AK4: variants seen among roughly 807,000 people sequenced by gnomAD.
AK4 encodes the protein adenylate kinase 4, mitochondrial.
A neutral mutation model predicts 24.6 loss-of-function variants in AK4; 13 were observed. The ratio of observed to expected loss-of-function variants is 0.53; its 90% CI spans 0.34 to 0.84. The LOEUF is 0.84. Among genes scored for constraint, AK4 ranks in the 40% least tolerant of loss-of-function variants. The probability of loss-of-function intolerance (pLI) is 0.01; values close to 1 mark genes in which losing one functional copy is unlikely to be tolerated. For synonymous variants in AK4, 88 were observed against 107.0 expected, an observed-to-expected ratio of 0.82 and a Z score of 1.10; for missense variants, 192 against 288.2, an observed-to-expected ratio of 0.67 and a Z score of 2.42.
intron 1 of AK4, among the ~76,000 whole-genome samples, chr1:65,160,505 A>G (rs544903694): frequency 4.0e-4 from 61 of 152,244 alleles, no homozygotes; most frequent in African/African-American, 1.4e-3. Context: ...TTAAGCTCCT[A>G]TACTCAAGCA....
intron 2 of AK4, 77 bp downstream of exon 2, chr1:65,190,906 C>T (rs939254336): frequency 5.2e-5 from 76 of 1,470,602 alleles, no homozygotes; most frequent in South Asian, 3.1e-4. Flanking sequence ...AACTTCTTAC[C>T]GAATGGAAAA....
chr1:65,194,343 C>T (rs547195204), intron 2 of AK4, among the ~76,000 whole-genome samples: 43 of 152,276 alleles, frequency 2.8e-4, no homozygotes, highest in Non-Finnish European at 4.7e-4. Context: ...TCTTTGTAAC[C>T]GTATAACAAG....
At chr1:65,190,142 C>T (rs1330249778) in intron 1 of AK4, among the ~76,000 whole-genome samples, 1 of 152,158 alleles carries the variant, frequency 6.6e-6, no homozygotes, top group Admixed American at 6.5e-5. Context: ...TCCAGGGCTT[C>T]TCTTTATCAG....
intron 1 of AK4, among the ~76,000 whole-genome samples, chr1:65,181,483 G>A (rs10889524): frequency 0.27 from 40,307 of 149,568 alleles, 5,645 homozygotes; most frequent in East Asian, 0.52. Context: ...TGCTACCTCC[G>A]CCTCCCAGGT....
chr1:65,148,458 C>A lies in AK4; in HGVS notation c.51C>A (p.Gly17=), dbSNP rs772190068. The stretch of plus-strand genomic sequence containing the variant: ...TCATCCTCGGGCCGCCCGGCTCGGG[C>A]AAGGGCACCGTGTGCCAGAGGATCG... ...RAVILGPPGS[G]KGTVCQRIAQ... The change falls in exon 1 of 5, where the codon GGC becomes GGA. Residue 17 remains glycine, a synonymous_variant. Transcript: ENST00000327299. The A allele has an allele frequency of 7.6e-6, 12 of 1,573,394 alleles. No individual in the cohort carries two copies. In the East Asian group the frequency reaches 2.8e-4, roughly 37 times the overall value.
chr1:65,222,442 C>G (rs1652327297), intron 3 of AK4, among the ~76,000 whole-genome samples: 1 of 152,170 alleles, frequency 6.6e-6, no homozygotes, highest in African/African-American at 2.4e-5. Context: ...CATGCCCTTA[C>G]CATCTGCCTA....
intron 1 of AK4, among the ~76,000 whole-genome samples, chr1:65,163,993 A>T (rs894856517): frequency 6.6e-6 from 1 of 152,084 alleles, no homozygotes; most frequent in Non-Finnish European, 1.5e-5. Context: ...ATATCTCAAG[A>T]ACTGATCTTA....
At chr1:65,202,392 G>A (rs771711198) in intron 2 of AK4, among the ~76,000 whole-genome samples, 8 of 152,020 alleles carry the variant, frequency 5.3e-5, no homozygotes, top group East Asian at 3.8e-4. Context: ...GTGAGACTCC[G>A]TCTCAAAAAT....
chr1:65,155,779 C>T (rs945218173), intron 1 of AK4, among the ~76,000 whole-genome samples: 2 of 152,030 alleles, frequency 1.3e-5, no homozygotes. Context: ...AAGTGATTCT[C>T]CTGCCTCAGC....
chr1:65,196,097 GGT>G (rs1397523721), intron 2 of AK4, among the ~76,000 whole-genome samples: 3 of 152,182 alleles, frequency 2.0e-5, no homozygotes, highest in African/African-American at 7.2e-5. Context: ...CATTTGGCAA[GGT>G]GTGGAGTGCG....
chr1:65,218,652 G>T (rs1305009959), intron 2 of AK4, 102 bp from the exon 3 acceptor site: 10 of 1,157,476 alleles, frequency 8.6e-6, no homozygotes, highest in Non-Finnish European at 1.2e-5. Flanking sequence ...GCTCCTTTTA[G>T]AATGGTATAT....
intron 1 of AK4, among the ~76,000 whole-genome samples, chr1:65,183,427 T>G (rs1400242716): frequency 6.6e-6 from 1 of 152,056 alleles, no homozygotes; most frequent in Non-Finnish European, 1.5e-5. Context: ...ATTTTTTGTA[T>G]TTTTGGGGGT....
intron 1 of AK4, among the ~76,000 whole-genome samples, chr1:65,187,749 G>A (rs1651152440): frequency 6.6e-6 from 1 of 152,192 alleles, no homozygotes; most frequent in Non-Finnish European, 1.5e-5. Flanking sequence ...TGTTGCTCTT[G>A]AAGTAATACG....
intron 1 of AK4, among the ~76,000 whole-genome samples, chr1:65,172,095 ATATATATATT>A (rs1650552288): frequency 8.8e-6 from 1 of 113,712 alleles, no homozygotes; most frequent in Non-Finnish European, 1.9e-5. Flanking sequence ...ATATATATAT[ATATATATATT>A]TAAACTCATT....
chr1:65,183,010 T>C (rs931238534), intron 1 of AK4, among the ~76,000 whole-genome samples: 1 of 152,162 alleles, frequency 6.6e-6, no homozygotes, highest in Non-Finnish European at 1.5e-5. Flanking sequence ...ATCCCAGTGT[T>C]TAAGACTCTG....
rs572613887 is a variant in AK4, at chr1:65,184,451, G to T, written c.146-6259G>T. Among the ~76,000 whole-genome samples the T allele has an allele frequency of 7.9e-5, 12 of 152,266 alleles. No homozygotes were observed. The East Asian group carries it at 2.3e-3, about 29-fold the overall frequency. ...GGTTTGTTGTGAAACTTAAGAAAAA[G>T]GCAAAGATAGTGGCCTCTTTGGGGC... On this transcript the variant is annotated intron_variant, in intron 1 of 4. Transcript: ENST00000327299.
rs759168827 is a variant in AK4, at chr1:65,231,675, T to G, written c.*5498T>G. 6.6e-6 allele frequency: 1 copy of G among 152,194 alleles called. No individual in the cohort carries two copies. The highest frequency in any genetic ancestry group is 1.5e-5 in the Non-Finnish European group (1 of 68,032). The allele number at this position is 152,194 out of a possible 1,614,324, so 9.4% of individuals were successfully genotyped here. ...TAGGGAAGACTAAAGGGAAGAAAAA[T>G]GAAAACTCAGTCTTTATGTAAGCTC... On this transcript the variant is annotated 3_prime_UTR_variant, in exon 5 of 5. Coordinates refer to ENST00000327299, the MANE Select transcript of AK4 (RefSeq NM_013410.4).
chr1:65,167,916 G>A (rs1570078457), intron 1 of AK4, among the ~76,000 whole-genome samples: 1 of 152,022 alleles, frequency 6.6e-6, no homozygotes, highest in African/African-American at 2.4e-5. Flanking sequence ...AATTAAATCC[G>A]CTAGCTCTTC....
At chr1:65,204,924 C>T (rs529919036) in intron 2 of AK4, among the ~76,000 whole-genome samples, 1 of 152,254 alleles carries the variant, frequency 6.6e-6, no homozygotes, top group South Asian at 2.1e-4. Flanking sequence ...TTGGTTATAT[C>T]TCTGTGAATA....
Sources: gnomAD v4.1 joint callset for allele counts (sites outside exome capture counted in the v4.1 genomes callset) on GRCh38, gnomAD v4.1.1 for gene constraint, MANE v1.5 for transcripts, NCBI Gene and HGNC (gene_info 2026-07-23, HGNC 2026-07-21) for gene names.